CADM2: variants seen among roughly 807,000 people sequenced by gnomAD.
CADM2 encodes immunoglobulin superfamily member 4D.
In CADM2, 12 loss-of-function variants were observed where a neutral mutation model predicts 49.8. The ratio of observed to expected loss-of-function variants is 0.24; its 90% CI spans 0.15 to 0.39. The LOEUF is 0.39. Among genes scored for constraint, CADM2 ranks in the 10% least tolerant of loss-of-function variants. CADM2 has a pLI of 1.00. For missense variants in CADM2, 378 were observed against 492.3 expected (o/e 0.77, Z 2.20); for synonymous variants, 214 against 175.4 (o/e 1.22, Z -1.74).
chr3:85,862,104 C>T (rs1053214188), intron 3 of CADM2, among the ~76,000 whole-genome samples: 26 of 152,006 alleles, frequency 1.7e-4, no homozygotes, highest in African/African-American at 5.8e-4. Flanking sequence ...TCAGATAAAT[C>T]ACTTTGATCA....
intron 7 of CADM2, among the ~76,000 whole-genome samples, chr3:85,944,747 T>C (rs1367352416): frequency 6.6e-6 from 1 of 151,958 alleles, no homozygotes; most frequent in Non-Finnish European, 1.5e-5. Context: ...AGACACAACA[T>C]ACCAGAATAT....
intron 1 of CADM2, among the ~76,000 whole-genome samples, chr3:85,235,245 T>A (rs561951966): frequency 6.6e-6 from 1 of 152,284 alleles, no homozygotes; most frequent in Admixed American, 6.5e-5. Flanking sequence ...TATCTCTTGA[T>A]CACAATTATT....
intron 1 of CADM2, among the ~76,000 whole-genome samples, chr3:85,543,423 T>TGTGTGGGGGTGTGTGTGTGTGTGG (rs143013783): frequency 0.014 from 1,400 of 99,176 alleles, 27 homozygotes; most frequent in South Asian, 0.043. Flanking sequence ...CAAGCTAATG[T>TGTGTGGGGGTGTGTGTGTGTGTGG]GTGTGTGTGT....
chr3:85,437,594 G>T (rs1005347752), intron 1 of CADM2, among the ~76,000 whole-genome samples: 2 of 151,988 alleles, frequency 1.3e-5, no homozygotes, highest in African/African-American at 2.4e-5. Context: ...AAATTTCCCT[G>T]ATGGCATATA....
At chr3:85,735,633 G>C (rs2107808345) in intron 2 of CADM2, among the ~76,000 whole-genome samples, 1 of 152,256 alleles carries the variant, frequency 6.6e-6, no homozygotes, top group Non-Finnish European at 1.5e-5. Flanking sequence ...AGTGGAAAAT[G>C]TGATTATAAT....
chr3:85,360,843 T>TAATA, intron 1 of CADM2, among the ~76,000 whole-genome samples: 1 of 152,266 alleles, frequency 6.6e-6, no homozygotes, highest in South Asian at 2.1e-4. Flanking sequence ...TGTGTATCTA[T>TAATA]TGTAGGTCTC....
At chr3:85,043,826 CT>C (rs1469622955) in intron 1 of CADM2, among the ~76,000 whole-genome samples, 2 of 152,070 alleles carry the variant, frequency 1.3e-5, no homozygotes, top group Non-Finnish European at 2.9e-5. Flanking sequence ...CATACTTTTG[CT>C]ATTATCTATC....
chr3:85,919,822 A>C (rs1417418247), intron 6 of CADM2, among the ~76,000 whole-genome samples: 1 of 151,900 alleles, frequency 6.6e-6, no homozygotes, highest in Non-Finnish European at 1.5e-5. Context: ...TTCTCTGTTT[A>C]GTTGCAAAAC....
chr3:85,784,627 G>T (rs2070870465), intron 2 of CADM2, among the ~76,000 whole-genome samples: 1 of 151,958 alleles, frequency 6.6e-6, no homozygotes. Flanking sequence ...CTAGCACATT[G>T]AAATGAAAAT....
intron 2 of CADM2, among the ~76,000 whole-genome samples, chr3:85,746,733 T>C (rs2068637381): frequency 6.6e-6 from 1 of 152,132 alleles, no homozygotes; most frequent in Non-Finnish European, 1.5e-5. Context: ...CATCTAGAGC[T>C]CACATTGTCT....
intron 2 of CADM2, among the ~76,000 whole-genome samples, chr3:85,783,194 C>T (rs371258259): frequency 1.3e-5 from 2 of 152,044 alleles, no homozygotes; most frequent in African/African-American, 4.8e-5. Context: ...ACCAGCATAA[C>T]CAAGGATTAG....
intron 1 of CADM2, among the ~76,000 whole-genome samples, chr3:85,221,729 C>T (rs1272131559): frequency 6.6e-6 from 1 of 152,020 alleles, no homozygotes; most frequent in Admixed American, 6.6e-5. Flanking sequence ...TGGTGATAAC[C>T]ATTGTAAACA....
At chr3:85,252,935 A>T (rs2042807157) in intron 1 of CADM2, among the ~76,000 whole-genome samples, 1 of 152,038 alleles carries the variant, frequency 6.6e-6, no homozygotes, top group Non-Finnish European at 1.5e-5. Flanking sequence ...AAATTGTATG[A>T]TTTTATGCAA....
At chr3:85,296,984 T>C (rs1386463417) in intron 1 of CADM2, among the ~76,000 whole-genome samples, 3 of 151,608 alleles carry the variant, frequency 2.0e-5, no homozygotes, top group African/African-American at 7.3e-5. Context: ...TTACATTCTG[T>C]TGGGTCTCTT....
At chr3:85,248,808 T>G (rs2042710422) in intron 1 of CADM2, among the ~76,000 whole-genome samples, 1 of 152,162 alleles carries the variant, frequency 6.6e-6, no homozygotes, top group Admixed American at 6.5e-5. Context: ...TCATAAAAAC[T>G]TGCTTCATTT....
chr3:85,712,223 A>T (rs1298234118), intron 1 of CADM2, among the ~76,000 whole-genome samples: 1 of 152,188 alleles, frequency 6.6e-6, no homozygotes, highest in East Asian at 1.9e-4. Flanking sequence ...AATTGTTTTC[A>T]TATAGTCTTT....
At chr3:85,778,709 C>T (rs992882324) in intron 2 of CADM2, among the ~76,000 whole-genome samples, 1 of 152,124 alleles carries the variant, frequency 6.6e-6, no homozygotes, top group African/African-American at 2.4e-5. Flanking sequence ...TGGAATAACA[C>T]AATAATCAAC....
chr3:86,061,304 C>T (rs1253835664), intron 8 of CADM2, among the ~76,000 whole-genome samples: 7 of 151,864 alleles, frequency 4.6e-5, no homozygotes, highest in Non-Finnish European at 8.8e-5. Context: ...AGAAGTCCTT[C>T]AACTGATTTT....
chr3:85,881,346 A>G (rs1265641024), intron 3 of CADM2, among the ~76,000 whole-genome samples: 1 of 152,152 alleles, frequency 6.6e-6, no homozygotes, highest in East Asian at 1.9e-4. Flanking sequence ...TTGCTTAAAA[A>G]TTTTTGTCAA....
Sources: gnomAD v4.1 joint callset for allele counts (sites outside exome capture counted in the v4.1 genomes callset) on GRCh38, gnomAD v4.1.1 for gene constraint, MANE v1.5 for transcripts, NCBI Gene and HGNC (gene_info 2026-07-23, HGNC 2026-07-21) for gene names.